SERPINA12: variants seen among roughly 807,000 people sequenced by gnomAD.
SERPINA12 encodes the protein serpin family A member 12.
In SERPINA12, 21 loss-of-function variants were observed where a neutral mutation model predicts 25.9. The ratio of observed to expected loss-of-function variants is 0.81; its 90% CI spans 0.58 to 1.17. The LOEUF (loss-of-function observed/expected upper bound fraction) is 1.17, where lower values mean the gene tolerates loss of function less well. Among genes scored for constraint, SERPINA12 ranks in the 50% most tolerant of loss-of-function variants. SERPINA12 has a pLI of 0.00. For synonymous variants in SERPINA12, 220 were observed against 196.0 expected, an observed-to-expected ratio of 1.12 and a Z score of -1.02; for missense variants, 562 against 508.3, an observed-to-expected ratio of 1.11 and a Z score of -1.02.
chr14:94,489,483 G>A (rs1040504616), intron 4 of SERPINA12, 137 bp downstream of exon 4: 10 of 934,264 alleles, frequency 1.1e-5, no homozygotes, highest in Non-Finnish European at 1.4e-5. Context: ...GTTGGTAAGG[G>A]GCACAGCTGC....
intron 1 of SERPINA12, among the ~76,000 whole-genome samples, chr14:94,507,133 G>A (rs1480535885): frequency 6.6e-6 from 1 of 152,124 alleles, no homozygotes; most frequent in African/African-American, 2.4e-5. Context: ...TATAAATAGT[G>A]ACTATTTTAC....
upstream of SERPINA12, chr14:94,511,241 A>G (rs1901101392): frequency 4.7e-6 from 1 of 214,450 alleles, no homozygotes; most frequent in Non-Finnish European, 8.0e-6. Context: ...TCATGTACAC[A>G]CACACACACA....
intron 1 of SERPINA12, chr14:94,504,219 G>A (rs767638544): frequency 6.6e-6 from 1 of 152,180 alleles, no homozygotes; most frequent in African/African-American, 2.4e-5. Context: ...GGAAGAGTAA[G>A]GCCAATACAA....
intron 3 of SERPINA12, among the ~76,000 whole-genome samples, chr14:94,493,487 TG>T (rs977371156): frequency 1.6e-4 from 24 of 151,938 alleles, no homozygotes; most frequent in African/African-American, 5.6e-4. Flanking sequence ...CCCAGAGGGA[TG>T]GGGGAGGCAG....
Position 94,496,433 on chromosome 14 carries a change from T to C in SERPINA12, c.845A>G (p.His282Arg). 6.2e-7 allele frequency: 1 copy of C among 1,614,174 alleles called. No homozygotes were observed. The highest frequency in any genetic ancestry group is 1.1e-5 in the South Asian group (1 of 91,088). ...GTCCACCTGCAATCCCTTCTCCAAG[T>C]GCTTCAGCTTGCCCTCATCAGGAAG... ...FILPDEGKLK[H>R]LEKGLQVDTF... The change falls in exon 3 of 5, where the codon CAC (histidine) becomes CGC (arginine). Residue 282 changes from histidine (H) to arginine (R), a missense_variant. Transcript: ENST00000677451.
chr14:94,501,167 A>C, intron 1 of SERPINA12: 1 of 985,394 alleles, frequency 1.0e-6, no homozygotes, highest in East Asian at 1.1e-4. Context: ...TTCAGGGTTT[A>C]GGGGGCTGCA....
intron 3 of SERPINA12, among the ~76,000 whole-genome samples, chr14:94,490,079 C>T (rs1244108113): frequency 7.2e-5 from 11 of 152,238 alleles, no homozygotes; most frequent in Admixed American, 2.6e-4. Context: ...ACACTGTAGT[C>T]GCTGCCATGC....
At chr14:94,492,537 G>C (rs1459678791) in intron 3 of SERPINA12, among the ~76,000 whole-genome samples, 1 of 152,168 alleles carries the variant, frequency 6.6e-6, no homozygotes, top group Non-Finnish European at 1.5e-5. Flanking sequence ...GGAAAGATAA[G>C]GGCATCTTTG....
intron 3 of SERPINA12, among the ~76,000 whole-genome samples, chr14:94,495,052 G>A (rs1351439499): frequency 6.8e-6 from 1 of 146,004 alleles, no homozygotes; most frequent in African/African-American, 2.6e-5. Context: ...TTCGGAATCA[G>A]AATTTCCCTT....
At chr14:94,503,167 T>C (rs1263388925) in intron 1 of SERPINA12, 1 of 976,332 alleles carries the variant, frequency 1.0e-6, no homozygotes, top group Admixed American at 6.2e-5. Context: ...AATTAAATTA[T>C]TATTTTTAAA....
chr14:94,493,926 C>G (rs1025763804), intron 3 of SERPINA12, among the ~76,000 whole-genome samples: 3 of 152,174 alleles, frequency 2.0e-5, no homozygotes, highest in Non-Finnish European at 4.4e-5. Flanking sequence ...GTCACAGCAC[C>G]AGGGGCTGCA....
intron 2 of SERPINA12, among the ~76,000 whole-genome samples, chr14:94,515,494 T>G (rs1901210610): frequency 6.6e-6 from 1 of 152,138 alleles, no homozygotes; most frequent in Non-Finnish European, 1.5e-5. Flanking sequence ...CGGGGAGGCC[T>G]GCCCTACAGA....
upstream of SERPINA12, among the ~76,000 whole-genome samples, chr14:94,513,594 G>T (rs1401772833): frequency 6.6e-6 from 1 of 152,190 alleles, no homozygotes; most frequent in Non-Finnish European, 1.5e-5. Context: ...ATAAATTAAA[G>T]TAGTGACTGT....
intron 1 of SERPINA12, among the ~76,000 whole-genome samples, 34 bp downstream of exon 1, chr14:94,509,308 A>ACACT: frequency 6.6e-6 from 1 of 151,448 alleles, no homozygotes; most frequent in South Asian, 2.1e-4. Flanking sequence ...ACACACACAC[A>ACACT]CACACACACA....
At chr14:94,493,297 C>T (rs1900254043) in intron 3 of SERPINA12, among the ~76,000 whole-genome samples, 1 of 152,168 alleles carries the variant, frequency 6.6e-6, no homozygotes, top group Non-Finnish European at 1.5e-5. Flanking sequence ...TGAGCAAGCC[C>T]CCTGTCCTGC....
At position 94,498,443 on chromosome 14, in the gene SERPINA12, G is replaced by GA. The variant is rs752985930; in HGVS notation, c.-33-14dup. On this transcript the variant is annotated splice_polypyrimidine_tract_variant and intron_variant, in intron 1 of 4. Transcript: ENST00000677451. Reference sequence around the variant, plus strand: ...TTGAGTAGTAGACCTGAGGTCAGCAGAAAAAAAGAACATGATAACCCCATT... The same window carrying GA: ...TTGAGTAGTAGACCTGAGGTCAGCAGAAAAAAAAGAACATGATAACCCCATT... 3.2e-6 allele frequency: 5 copies of GA among 1,569,982 alleles called. No homozygotes were observed. Among genetic ancestry groups the GA allele is most frequent in the Non-Finnish European group, 3.4e-6 (4 of 1,160,966 alleles).
intron 1 of SERPINA12, chr14:94,517,390 A>G (rs1006004034): frequency 6.6e-6 from 1 of 152,142 alleles, no homozygotes; most frequent in Non-Finnish European, 1.5e-5. Context: ...TCCCTCTATA[A>G]CTTCACTCAC....
chr14:94,514,818 C>T (rs1342031384), intron 2 of SERPINA12, among the ~76,000 whole-genome samples: 1 of 152,120 alleles, frequency 6.6e-6, no homozygotes, highest in Non-Finnish European at 1.5e-5. Flanking sequence ...CTTCTGCAGC[C>T]ACTGGTCGGA....
intron 2 of SERPINA12, among the ~76,000 whole-genome samples, chr14:94,514,829 G>A (rs1051328147): frequency 3.3e-5 from 5 of 152,202 alleles, no homozygotes; most frequent in Non-Finnish European, 7.3e-5. Context: ...ACTGGTCGGA[G>A]TGCAGTTCAG....
Sources: gnomAD v4.1 joint callset for allele counts (sites outside exome capture counted in the v4.1 genomes callset) on GRCh38, gnomAD v4.1.1 for gene constraint, MANE v1.5 for transcripts, NCBI Gene and HGNC (gene_info 2026-07-23, HGNC 2026-07-21) for gene names.